The following STRN4 variants were observed in gnomAD, a reference collection of about 807,000 sequenced individuals.
The protein encoded by STRN4 is striatin 4, also known as striatin-4.
In STRN4, 27 loss-of-function variants were observed where a neutral mutation model predicts 77.9. The observed-to-expected ratio is 0.35, with a 90% CI of 0.26 to 0.48. The LOEUF (loss-of-function observed/expected upper bound fraction) is 0.48, where lower values mean the gene tolerates loss of function less well. Among genes scored for constraint, STRN4 ranks in the 20% least tolerant of loss-of-function variants. The probability of loss-of-function intolerance (pLI) is 0.99; values close to 1 mark genes in which losing one functional copy is unlikely to be tolerated. For synonymous variants in STRN4, 466 were observed against 443.1 expected (o/e 1.05, Z -0.65); for missense variants, 798 against 1,049.7 (o/e 0.76, Z 3.31).
Position 46,730,984 on chromosome 19 carries a change from C to T in STRN4, c.738-111G>A. 4 of 1,483,392 alleles carry T rather than the reference C, an allele frequency of 2.7e-6. No individual in the cohort carries two copies. In the South Asian group the frequency reaches 5.0e-5, roughly 18 times the overall value. The allele number at this position is 1,483,392 out of a possible 1,614,324, so 91.9% of individuals were successfully genotyped here. ...CCAGAGCCCAGACCCAGCTAACCCC[C>T]TAACCCCTGAGCAGCCTTGACTCTG... is the stretch of plus-strand genomic sequence containing the variant. On this transcript the variant is annotated intron_variant, in intron 5 of 17. Coordinates refer to ENST00000263280, the MANE Select transcript of STRN4 (RefSeq NM_013403.3).
rs374013796 is a variant in STRN4 at position 46,722,263 on chromosome 19, G to A, written c.1984C>T (p.Arg662Cys). Reference protein sequence around the residue: ...TITAHDDRGIRFLDNRTGKPV... With the variant: ...TITAHDDRGICFLDNRTGKPV... Reference sequence around the variant, plus strand: ...TCACCTGTCCGATTGTCCAGGAAGCGGATGCCCCTGTCGTCGTGGGCGGTG... The same window carrying A: ...TCACCTGTCCGATTGTCCAGGAAGCAGATGCCCCTGTCGTCGTGGGCGGTG... Residue 662 changes from arginine (R) to cysteine (C), a missense_variant, in exon 15 of 18, where the codon CGC becomes TGC. Physicochemically the swap from Arg to Cys is radical, Grantham distance 180 (BLOSUM62 -3). Coordinates refer to ENST00000263280, the MANE Select transcript of STRN4 (RefSeq NM_013403.3). 4 of 1,614,172 alleles carry A rather than the reference G, an allele frequency of 2.5e-6. No individual in the cohort carries two copies. The highest frequency in any genetic ancestry group is 3.4e-6 in the Non-Finnish European group (4 of 1,180,020).
chr19:46,727,408 G>A (rs779490901), intron 9 of STRN4, 44 bp downstream of exon 9: 31 of 1,537,478 alleles, frequency 2.0e-5, no homozygotes, highest in East Asian at 4.6e-5. Context: ...GGCCCTGGGC[G>A]CAATGCCAAT....
At chr19:46,720,392 A>T in intron 17 of STRN4, 54 bp from the exon 18 acceptor site, 1 of 526,166 alleles carries the variant, frequency 1.9e-6, no homozygotes, top group Middle Eastern at 5.3e-4. Flanking sequence ...GGGCGCCTCT[A>T]AGGCCTCAAC....
chr19:46,720,326 G>C lies in STRN4; in HGVS notation c.*79C>G, dbSNP rs1365496128. On this transcript the variant is annotated 3_prime_UTR_variant, in exon 18 of 18. Coordinates refer to ENST00000263280, the MANE Select transcript of STRN4 (RefSeq NM_013403.3). ...GGCCAGGCCTCTGCACCTCCAGCGA[G>C]GCTGGGAGTCCCCTGCGGGAAAGAG... 7 of 340,028 alleles carry C rather than the reference G, an allele frequency of 2.1e-5. No individual in the cohort carries two copies. Among genetic ancestry groups the C allele is most frequent in the African/African-American group, 4.2e-5 (2 of 47,336 alleles). The allele number at this position is 340,028 out of a possible 1,614,324, so 21.1% of individuals were successfully genotyped here. A position where few individuals can be genotyped will look rare whatever the true frequency, so the allele number is the denominator to read the frequency against.
At chr19:46,726,888 G>A (rs962583080) in intron 9 of STRN4, among the ~76,000 whole-genome samples, 3 of 152,114 alleles carry the variant, frequency 2.0e-5, no homozygotes, top group Admixed American at 6.6e-5. Flanking sequence ...ATCTTGGGGC[G>A]TGCAGAGGGA....
At chr19:46,721,667 G>A (rs977629315) in intron 16 of STRN4, 1 of 314,540 alleles carries the variant, frequency 3.2e-6, no homozygotes, top group Non-Finnish European at 6.2e-6. Context: ...CCCCCAGGTA[G>A]ACCTGGACTG....
chr19:46,745,051 G>A (rs3786708), intron 1 of STRN4, among the ~76,000 whole-genome samples: 26,059 of 101,530 alleles, frequency 0.26, 2,761 homozygotes, highest in Admixed American at 0.31. Flanking sequence ...GTCTACCCCC[G>A]TTCCGAGATG....
Position 46,746,293 on chromosome 19 carries a change from CT to C in STRN4, c.137del (p.Lys46ArgfsTer18). 7.0e-7 allele frequency: 1 copy of C among 1,418,688 alleles called. No homozygotes were observed. Among genetic ancestry groups the C allele is most frequent in the Non-Finnish European group, 9.2e-7 (1 of 1,088,756 alleles). 87.9% of individuals were successfully genotyped at this position (1,418,688 alleles called of 1,614,324 possible). ...APAPGPGPAGKGGGGGGSPGP... is the reference protein window; with the variant it reads ...APAPGPGPAGXGGGGGGSPGP... ...CGGGGCTGCCTCCGCCGCCGCCTCC[CT>C]TACCTGCCGGGCCCGGCCCGGGGGC... On this transcript the variant is annotated frameshift_variant, in exon 1 of 18. Coordinates refer to ENST00000263280, the MANE Select transcript of STRN4 (RefSeq NM_013403.3). LOFTEE classifies it high-confidence loss of function.
In STRN4 at chr19:46,733,096, G is replaced by A. The variant is rs1006269956; in HGVS notation, c.680C>T (p.Ala227Val). 2.5e-6 allele frequency: 4 copies of A among 1,613,382 alleles called. No homozygotes were observed. The African/African-American group carries it at 4.0e-5, about 16-fold the overall frequency. ...CAGCGACTCCCCACCACTGAGCCCT[G>A]CAGGGCCTGGTGGAGCCCTGGGGGC... ...EGAPRAPPGP[A>V]GLSGGESLLV... The change falls in exon 5 of 18, where the codon GCA (alanine) becomes GTA (valine). Residue 227 changes from alanine (A) to valine (V), a missense_variant. Around this residue, in one of 2 missense-constraint regions of STRN4, gnomAD observed 511 missense variants for 575.9 expected, o/e 0.89. Coordinates refer to ENST00000263280, the MANE Select transcript of STRN4 (RefSeq NM_013403.3). The surrounding 1 kb of genome is among the most constrained non-coding windows in gnomAD (Gnocchi z 4.3).
intron 9 of STRN4, chr19:46,725,953 G>C: frequency 2.8e-6 from 1 of 360,462 alleles, no homozygotes; most frequent in Non-Finnish European, 5.1e-6. Context: ...CAAGTGTGCA[G>C]GATCATCAGC....
At chr19:46,728,474 G>GCT in intron 7 of STRN4, 144 bp downstream of exon 7, 1 of 1,164,616 alleles carries the variant, frequency 8.6e-7, no homozygotes, top group Admixed American at 2.9e-5. Flanking sequence ...TGGGCCTCCT[G>GCT]CTCTCCTTGG....
chr19:46,726,617 C>T (rs2054122560), intron 9 of STRN4, among the ~76,000 whole-genome samples: 1 of 152,196 alleles, frequency 6.6e-6, no homozygotes, highest in African/African-American at 2.4e-5. Flanking sequence ...CTGTGGGGGC[C>T]TCTGTCCACC....
intron 12 of STRN4, among the ~76,000 whole-genome samples, chr19:46,724,560 C>T (rs1235736681): frequency 5.9e-5 from 9 of 152,252 alleles, no homozygotes; most frequent in African/African-American, 7.2e-5. Context: ...GCCTTCTGGA[C>T]GCCGGCTCAC....
At chr19:46,722,120 C>T (rs117755928) in intron 15 of STRN4, 48 bp from the exon 16 acceptor site, 31,393 of 1,609,184 alleles carry the variant, frequency 0.02, 402 homozygotes, top group Non-Finnish European at 0.023. Context: ...CTCTGGGCCT[C>T]GCCTGAGAGA....
intron 4 of STRN4, 104 bp downstream of exon 4, chr19:46,736,719 T>A (rs1288785754): frequency 8.3e-7 from 1 of 1,203,102 alleles, no homozygotes; most frequent in Non-Finnish European, 1.2e-6. Context: ...TCCTGATAGT[T>A]CAGCATCCCC....
chr19:46,737,606 C>G (rs1296582650), intron 3 of STRN4, among the ~76,000 whole-genome samples: 1 of 151,706 alleles, frequency 6.6e-6, no homozygotes, highest in Non-Finnish European at 1.5e-5. Flanking sequence ...GTCCCCTAAC[C>G]CTTTCAGCGT....
rs2122230307 is a variant in STRN4, at chr19:46,723,402, C to T, written c.1595-118G>A. 1 of 1,262,162 alleles carries T rather than the reference C, an allele frequency of 7.9e-7. No individual in the cohort carries two copies. The highest frequency in any genetic ancestry group is 1.1e-6 in the Non-Finnish European group (1 of 936,494). 78.2% of individuals were successfully genotyped at this position (1,262,162 alleles called of 1,614,324 possible). A position where few individuals can be genotyped will look rare whatever the true frequency, so the allele number is the denominator to read the frequency against. The stretch of plus-strand genomic sequence containing the variant: ...GCTGGGCTCCAATCACCCACGCACC[C>T]ACTTCACACCTGGTGCCCCTCGGAA... On this transcript the variant is annotated intron_variant, in intron 12 of 17. Coordinates refer to ENST00000263280, the MANE Select transcript of STRN4 (RefSeq NM_013403.3). The surrounding 1 kb of genome is among the most constrained non-coding windows in gnomAD (Gnocchi z 5.5).
In STRN4 at chr19:46,719,681, C is replaced by G. The variant is rs1336151904; in HGVS notation, c.*724G>C. On this transcript the variant is annotated 3_prime_UTR_variant, in exon 18 of 18. Coordinates refer to ENST00000263280, the MANE Select transcript of STRN4 (RefSeq NM_013403.3). ...AGACAGGGAGGAGACTGACTGAGAC[C>G]ATCACACAGTGATAATGCGGGTGGG... 1 of 151,594 alleles carries G rather than the reference C, an allele frequency of 6.6e-6. No homozygotes were observed. The highest frequency in any genetic ancestry group is 2.4e-5 in the African/African-American group (1 of 41,340). 9.4% of individuals were successfully genotyped at this position (151,594 alleles called of 1,614,324 possible).
chr19:46,737,599 C>T (rs1391186921), intron 3 of STRN4, among the ~76,000 whole-genome samples: 1 of 151,714 alleles, frequency 6.6e-6, no homozygotes, highest in Admixed American at 6.6e-5. Flanking sequence ...ACTCCCTGTC[C>T]CCTAACCCTT....
Sources: allele counts gnomAD v4.1 joint callset (sites outside exome capture counted in the v4.1 genomes callset), GRCh38; gene constraint gnomAD v4.1.1; regional missense constraint gnomAD v4.1.1; non-coding constraint Gnocchi (gnomAD v3.1); transcripts MANE v1.5; gene names NCBI Gene and HGNC (gene_info 2026-07-23, HGNC 2026-07-21).